DNM3: variants seen among roughly 807,000 people sequenced by gnomAD.
DNM3 encodes dynamin 3.
Under a neutral mutation model 101.6 loss-of-function variants are expected in DNM3, and 47 were observed. That is an observed-to-expected ratio of 0.46 (90% CI 0.37 to 0.59). The LOEUF is 0.59. DNM3 is among the 20% of genes least tolerant of loss of function. The probability of loss-of-function intolerance (pLI) is 0.00; values close to 1 mark genes in which losing one functional copy is unlikely to be tolerated. For synonymous variants in DNM3, 385 were observed against 387.9 expected (o/e 0.99, Z 0.09); for missense variants, 849 against 1,085.7 (o/e 0.78, Z 3.06).
intron 17 of DNM3, among the ~76,000 whole-genome samples, chr1:172,342,446 T>C (rs964491394): frequency 6.6e-6 from 1 of 152,200 alleles, no homozygotes. Flanking sequence ...AACAAGATTA[T>C]GTCCTTTGCA....
chr1:171,961,496 T>G (rs1255493377), intron 2 of DNM3, among the ~76,000 whole-genome samples: 1 of 152,164 alleles, frequency 6.6e-6, no homozygotes, highest in Non-Finnish European at 1.5e-5. Context: ...GCATTATTGG[T>G]AGGAATGGAA....
chr1:172,345,560 A>G (rs1400727356), intron 17 of DNM3, among the ~76,000 whole-genome samples: 1 of 152,220 alleles, frequency 6.6e-6, no homozygotes, highest in African/African-American at 2.4e-5. Flanking sequence ...TCACACATAC[A>G]TATACATACA....
intron 1 of DNM3, among the ~76,000 whole-genome samples, chr1:171,911,625 G>A (rs1348190681): frequency 3.9e-5 from 6 of 152,056 alleles, no homozygotes; most frequent in African/African-American, 9.7e-5. Flanking sequence ...TACACTATTG[G>A]CTGGAGAAGC....
intron 2 of DNM3, among the ~76,000 whole-genome samples, chr1:171,943,133 T>G (rs888138204): frequency 1.3e-5 from 2 of 150,930 alleles, no homozygotes; most frequent in African/African-American, 2.4e-5. Flanking sequence ...AAATAAAAAA[T>G]AAAAAAAGAA....
chr1:172,198,340 C>G (rs1419250561), intron 14 of DNM3, among the ~76,000 whole-genome samples: 1 of 152,104 alleles, frequency 6.6e-6, no homozygotes, highest in Non-Finnish European at 1.5e-5. Context: ...TGAATTATTG[C>G]ACAGATGTTC....
rs368222514 is a variant in DNM3, at chr1:172,040,233, G to A, written c.992+1772G>A. 2.2e-3 allele frequency among the ~76,000 whole-genome samples: 331 copies of A among 152,188 alleles called. 2 individuals carry two copies. The highest frequency in any genetic ancestry group is 7.5e-3 in the African/African-American group (310 of 41,532). On this transcript the variant is annotated intron_variant, in intron 7 of 20. Coordinates refer to ENST00000627582, the MANE Select transcript of DNM3 (RefSeq NM_015569.5). ...TCAGTGTGTATGTCATACCTCTCCA[G>A]GTGTTTTTAAAAAATAAAATTAGCA...
intron 16 of DNM3, among the ~76,000 whole-genome samples, chr1:172,320,979 T>C (rs1301172529): frequency 6.6e-6 from 1 of 152,210 alleles, no homozygotes; most frequent in Non-Finnish European, 1.5e-5. Flanking sequence ...TCCCCTATCG[T>C]GTATTTTTCT....
Position 172,119,100 on chromosome 1 carries a change from C to T in DNM3, c.1546-12075C>T, listed in dbSNP as rs540239137. On this transcript the variant is annotated intron_variant, in intron 13 of 20. Coordinates refer to ENST00000627582, the MANE Select transcript of DNM3 (RefSeq NM_015569.5). ...CTCCGCCTCCCGGGTTCAAGCGATT[C>T]TTCTGCCTCAGCCTCCTGAGTAGCT... Among the ~76,000 whole-genome samples the T allele has an allele frequency of 4.0e-5, 6 of 151,616 alleles. No individual in the cohort carries two copies. The East Asian group carries it at 7.8e-4, about 20-fold the overall frequency.
intron 17 of DNM3, among the ~76,000 whole-genome samples, chr1:172,333,949 T>C (rs2066305385): frequency 6.6e-6 from 1 of 152,206 alleles, no homozygotes; most frequent in Admixed American, 6.6e-5. Flanking sequence ...ATTAGTCTCA[T>C]AAATTTTCTC....
chr1:172,012,084 C>T (rs970405551), intron 4 of DNM3, among the ~76,000 whole-genome samples: 1 of 152,022 alleles, frequency 6.6e-6, no homozygotes, highest in Admixed American at 6.6e-5. Context: ...CAGCTCTCTT[C>T]TTCACAGTAC....
At chr1:172,130,490 TA>T (rs896194852) in intron 13 of DNM3, among the ~76,000 whole-genome samples, 2 of 152,164 alleles carry the variant, frequency 1.3e-5, no homozygotes, top group Non-Finnish European at 1.5e-5. Context: ...AAAACCTGTT[TA>T]AAAAATTTTA....
chr1:172,319,532 C>T (rs1183634405), intron 16 of DNM3, among the ~76,000 whole-genome samples: 4 of 151,828 alleles, frequency 2.6e-5, no homozygotes, highest in Non-Finnish European at 5.9e-5. Context: ...AACAAATTTA[C>T]AAGAAAAAAA....
chr1:172,132,743 G>A, intron 14 of DNM3: 2 of 570,060 alleles, frequency 3.5e-6, no homozygotes, highest in Non-Finnish European at 6.2e-6. Flanking sequence ...AACAGTGATG[G>A]CTAGTGTTTT....
chr1:172,075,273 T>A (rs978498826), intron 11 of DNM3, among the ~76,000 whole-genome samples: 1 of 152,190 alleles, frequency 6.6e-6, no homozygotes, highest in Non-Finnish European at 1.5e-5. Context: ...GCCTTTTCAC[T>A]CTGATGATAG....
At chr1:172,234,047 C>T (rs2061440983) in intron 14 of DNM3, among the ~76,000 whole-genome samples, 1 of 151,956 alleles carries the variant, frequency 6.6e-6, no homozygotes, top group African/African-American at 2.4e-5. Context: ...CCAGGGCAAT[C>T]AGGCAGGAGA....
intron 2 of DNM3, among the ~76,000 whole-genome samples, chr1:171,971,599 A>G (rs1414806115): frequency 2.0e-5 from 3 of 152,144 alleles, no homozygotes; most frequent in Non-Finnish European, 2.9e-5. Flanking sequence ...CTCCCAATTG[A>G]AAGGATATAT....
intron 14 of DNM3, chr1:172,137,761 A>G (rs535587090): frequency 6.6e-6 from 1 of 152,316 alleles, no homozygotes; most frequent in Non-Finnish European, 1.5e-5. Context: ...AATGAACTAA[A>G]TAAAAGTTGA....
intron 9 of DNM3, among the ~76,000 whole-genome samples, chr1:172,044,858 T>C (rs2049654343): frequency 6.6e-6 from 1 of 152,150 alleles, no homozygotes; most frequent in Non-Finnish European, 1.5e-5. Flanking sequence ...GTTGTTACTT[T>C]CAAGTTTATC....
chr1:172,379,315 T>C, intron 18 of DNM3, 133 bp downstream of exon 18: 1 of 841,278 alleles, frequency 1.2e-6, no homozygotes, highest in South Asian at 1.9e-5. Context: ...CATTTTCCAT[T>C]AGACGTGATA....
Sources: allele counts gnomAD v4.1 joint callset (sites outside exome capture counted in the v4.1 genomes callset), GRCh38; gene constraint gnomAD v4.1.1; transcripts MANE v1.5; gene names NCBI Gene and HGNC (gene_info 2026-07-23, HGNC 2026-07-21).